CAPN9: variants seen among roughly 807,000 people sequenced by gnomAD.
The protein encoded by CAPN9 is calpain 9.
CAPN9 carries 81 observed loss-of-function variants against 92.8 expected under a neutral mutation model. The observed-to-expected ratio is 0.87, with a 90% CI of 0.73 to 1.05. The LOEUF is 1.05. Ranked by LOEUF, CAPN9 falls within the 50% of genes least tolerant of loss-of-function variation. The probability of loss-of-function intolerance (pLI) is 0.00; values close to 1 mark genes in which losing one functional copy is unlikely to be tolerated. For missense variants in CAPN9, 848 were observed against 866.2 expected (o/e 0.98, Z 0.26); for synonymous variants, 304 against 328.0 (o/e 0.93, Z 0.79).
intron 6 of CAPN9, among the ~76,000 whole-genome samples, chr1:230,769,616 CCTATCT>C (rs1666247928): frequency 8.6e-6 from 1 of 115,980 alleles, no homozygotes; most frequent in Admixed American, 8.5e-5. Context: ...CACACACACA[CCTATCT>C]ATCTATCTAT....
At chr1:230,796,716 G>T (rs1314673425) in intron 18 of CAPN9, among the ~76,000 whole-genome samples, 1 of 152,148 alleles carries the variant, frequency 6.6e-6, no homozygotes, top group Non-Finnish European at 1.5e-5. Flanking sequence ...CTTACAGGGT[G>T]GTCAGAGCTG....
At chr1:230,797,994 C>T (rs1345250336) in intron 18 of CAPN9, among the ~76,000 whole-genome samples, 168 bp from the exon 19 acceptor site, 1 of 152,108 alleles carries the variant, frequency 6.6e-6, no homozygotes, top group Non-Finnish European at 1.5e-5. Context: ...CACCTTCAGC[C>T]CGCCCTTGAT....
rs193037864 is a variant in CAPN9 at position 230,770,422 on chromosome 1, A to T, written c.789+1159A>T. 2.2e-3 allele frequency among the ~76,000 whole-genome samples: 337 copies of T among 152,250 alleles called. 4 individuals are homozygous for T. The highest frequency in any genetic ancestry group is 7.9e-3 in the African/African-American group (327 of 41,552). On this transcript the variant is annotated intron_variant, in intron 6 of 19. Transcript: ENST00000271971. ...AATCTGTTTTACTCAATCAACTTAAATTTCATGTCACCCAGAAGCACCCTT... is the reference window on the plus strand; with the variant it reads ...AATCTGTTTTACTCAATCAACTTAATTTTCATGTCACCCAGAAGCACCCTT...
intron 1 of CAPN9, among the ~76,000 whole-genome samples, chr1:230,748,558 C>CA (rs1233764350): frequency 2.6e-5 from 4 of 152,168 alleles, no homozygotes; most frequent in African/African-American, 9.7e-5. Flanking sequence ...ATAGTCATAT[C>CA]ACTTCATTTC....
rs1461233167 is a variant in CAPN9, at chr1:230,800,297, AGAAAGAAAGGAAAAAC to A, written c.2047-1272_2047-1257del. 1.5e-4 allele frequency among the ~76,000 whole-genome samples: 14 copies of A among 95,076 alleles called. 1 individual carries two copies. The highest frequency in any genetic ancestry group is 5.6e-4 in the African/African-American group (14 of 24,978). The allele number at this position is 95,076 out of a possible 152,430, so 62.4% of individuals were successfully genotyped here. The stretch of plus-strand genomic sequence containing the variant: ...AAGAAAGAAAGAAAGAAAGAAAGAA[AGAAAGAAAGGAAAAAC>A]AAGAGAGACCCCTAGGTCCACCTTT... On this transcript the variant is annotated intron_variant, in intron 19 of 19. Coordinates refer to ENST00000271971, the MANE Select transcript of CAPN9 (RefSeq NM_006615.3).
intron 14 of CAPN9, 73 bp from the exon 15 acceptor site, chr1:230,791,791 G>A: frequency 8.7e-7 from 1 of 1,153,934 alleles, no homozygotes; most frequent in Non-Finnish European, 1.3e-6. Flanking sequence ...CCACATTATT[G>A]GGCTTTCAGC....
At chr1:230,773,654 A>G (rs1182947335) in intron 7 of CAPN9, among the ~76,000 whole-genome samples, 2 of 152,148 alleles carry the variant, frequency 1.3e-5, no homozygotes, top group Non-Finnish European at 2.9e-5. Context: ...TGTCAGGCCA[A>G]TTATCTGGGT....
intron 2 of CAPN9, among the ~76,000 whole-genome samples, chr1:230,758,351 G>A (rs1665390546): frequency 6.6e-6 from 1 of 152,226 alleles, no homozygotes; most frequent in African/African-American, 2.4e-5. Context: ...TGCCACCCTA[G>A]AGGCACTTGG....
chr1:230,759,451 A>G (rs1665477077), intron 2 of CAPN9, 61 bp from the exon 3 acceptor site: 1 of 1,208,766 alleles, frequency 8.3e-7, no homozygotes. Context: ...TCTGACACAG[A>G]GTTTTCCTAT....
chr1:230,779,220 A>G, intron 9 of CAPN9, 87 bp downstream of exon 9: 1 of 1,271,914 alleles, frequency 7.9e-7, no homozygotes, highest in Non-Finnish European at 1.1e-6. Context: ...GGGTCCTCAG[A>G]GAAAGCCTGA....
At chr1:230,763,782 G>T (rs1558090488) in intron 4 of CAPN9, among the ~76,000 whole-genome samples, 1 of 152,234 alleles carries the variant, frequency 6.6e-6, no homozygotes, top group Non-Finnish European at 1.5e-5. Flanking sequence ...CAGCAGGACA[G>T]AATTAAAGCC....
chr1:230,795,640 C>G (rs1668305739), intron 18 of CAPN9: 1 of 226,666 alleles, frequency 4.4e-6, no homozygotes, highest in African/African-American at 2.3e-5. Flanking sequence ...CCCTTCCCCG[C>G]CCTGTAAGCC....
intron 1 of CAPN9, 26 bp downstream of exon 1, chr1:230,747,735 G>A: frequency 6.2e-7 from 1 of 1,606,198 alleles, no homozygotes; most frequent in South Asian, 1.1e-5. Flanking sequence ...AGGGGAAGGA[G>A]CATAGATGAG....
rs1664493036 is a variant in CAPN9, at chr1:230,747,508, C to A, written c.12C>A (p.Leu4=). ...TCCAGGGAGCAGCCATGCCTTACCT[C>A]TACCGGGCCCCAGGGCCTCAGGCAC... The part of the protein sequence containing the change: MPY[L]YRAPGPQAHP... The change falls in exon 1 of 20, where the codon CTC becomes CTA. Residue 4 remains leucine (L), a synonymous_variant. Transcript: ENST00000271971. 2 of 1,613,968 alleles carry A rather than the reference C, an allele frequency of 1.2e-6. No homozygotes were observed. The highest frequency in any genetic ancestry group is 1.3e-5 in the African/African-American group (1 of 74,944).
At chr1:230,761,428 C>T (rs28359623) in intron 3 of CAPN9, among the ~76,000 whole-genome samples, 2,235 of 152,230 alleles carry the variant, frequency 0.015, 56 homozygotes, top group East Asian at 0.083. Flanking sequence ...ACCCCAAGGC[C>T]CAGGCCCGAA....
chr1:230,788,917 C>A (rs923305716), intron 13 of CAPN9, among the ~76,000 whole-genome samples: 1 of 152,152 alleles, frequency 6.6e-6, no homozygotes. Context: ...GAGTTTCAGT[C>A]GACCTTTATT....
chr1:230,793,590 C>T (rs28359721), intron 17 of CAPN9, among the ~76,000 whole-genome samples: 5 of 152,166 alleles, frequency 3.3e-5, no homozygotes, highest in Non-Finnish European at 5.9e-5. Flanking sequence ...TCCCGCCTGC[C>T]GGGCTGCCTG....
intron 3 of CAPN9, among the ~76,000 whole-genome samples, chr1:230,762,312 C>A (rs186617724): frequency 2.0e-5 from 3 of 152,330 alleles, no homozygotes; most frequent in East Asian, 1.9e-4. Context: ...CTCCCTCCCC[C>A]ACAAAAACAA....
chr1:230,801,702 C>G lies in CAPN9; in HGVS notation c.*106C>G. Reference sequence around the variant, plus strand: ...ACCATTACGCCCAGGGTTCACTCCCCTCTCATCGTCCGGCCTTCTCCCTTC... The same window carrying G: ...ACCATTACGCCCAGGGTTCACTCCCGTCTCATCGTCCGGCCTTCTCCCTTC... On this transcript the variant is annotated 3_prime_UTR_variant, in exon 20 of 20. Coordinates refer to ENST00000271971, the MANE Select transcript of CAPN9 (RefSeq NM_006615.3). 1 of 984,316 alleles carries G rather than the reference C, an allele frequency of 1.0e-6. No homozygotes were observed. Among genetic ancestry groups the G allele is most frequent in the East Asian group, 2.4e-5 (1 of 41,998 alleles). The allele number at this position is 984,316 out of a possible 1,614,324, so 61.0% of individuals were successfully genotyped here.
Sources: gnomAD v4.1 joint callset for allele counts (sites outside exome capture counted in the v4.1 genomes callset) on GRCh38, gnomAD v4.1.1 for gene constraint, MANE v1.5 for transcripts, NCBI Gene and HGNC (gene_info 2026-07-23, HGNC 2026-07-21) for gene names.